Variants in LAS1L observed in about 807,000 individuals in gnomAD.
The protein encoded by LAS1L is ribosomal biogenesis protein LAS1L.
Under a neutral mutation model 57.3 loss-of-function variants are expected in LAS1L, and 5 were observed. That is an observed-to-expected ratio of 0.09 (90% CI 0.05 to 0.18). The LOEUF (loss-of-function observed/expected upper bound fraction) is 0.18. LAS1L is among the 10% of genes least tolerant of loss of function. The pLI is 1.00. For synonymous variants in LAS1L, 245 were observed against 231.7 expected (o/e 1.06, Z -0.52); for missense variants, 360 against 568.3 (o/e 0.63, Z 3.73).
intron 7 of LAS1L, among the ~76,000 whole-genome samples, chrX:65,528,012 CCAG>C (rs1202847301): frequency 9.0e-6 from 1 of 111,523 alleles, no homozygotes; most frequent in Non-Finnish European, 1.9e-5. Context: ...AAGCAGCTGG[CCAG>C]CAGATGGATG....
chrX:65,532,733 G>T (rs1419335700), intron 2 of LAS1L, 103 bp from the exon 3 acceptor site: 4 of 558,153 alleles, frequency 7.2e-6, no homozygotes, highest in Non-Finnish European at 1.2e-5. Flanking sequence ...TCCACCGACT[G>T]TCCTGTCCTA....
chrX:65,524,306 G>C lies in LAS1L; in HGVS notation c.1094-44C>G, dbSNP rs56185266. 4.1e-3 allele frequency: 4,029 copies of C among 977,680 alleles called. 8 individuals carry two copies. Among genetic ancestry groups the C allele is most frequent in the Non-Finnish European group, 5.3e-3 (3,685 of 694,353 alleles). The allele number at this position is 977,680 out of a possible 1,213,427, so 80.6% of individuals were successfully genotyped here. ...CCATTTGGGGGGGCAATAGGAGAGA[G>C]AGAGCAGGAGAGCACGAAAGAGAGA... On this transcript the variant is annotated intron_variant, in intron 9 of 13. Coordinates refer to ENST00000374811, the MANE Select transcript of LAS1L (RefSeq NM_031206.7).
intron 1 of LAS1L, among the ~76,000 whole-genome samples, 180 bp from the exon 2 acceptor site, chrX:65,533,915 G>A (rs891127098): frequency 3.6e-5 from 4 of 111,923 alleles, no homozygotes; most frequent in African/African-American, 1.3e-4. Flanking sequence ...ACAGTATACA[G>A]GGCATGAGGA....
At chrX:65,528,408 C>T in intron 6 of LAS1L, 39 bp from the exon 7 acceptor site, 1 of 825,558 alleles carries the variant, frequency 1.2e-6, no homozygotes, top group Non-Finnish European at 1.8e-6. Flanking sequence ...GCTGGTTCAG[C>T]CAAGCAACCC....
chrX:65,530,982 AAAAC>A (rs890137882), intron 4 of LAS1L, among the ~76,000 whole-genome samples: 1 of 111,212 alleles, frequency 9.0e-6, no homozygotes, highest in Admixed American at 9.6e-5. Flanking sequence ...GACTCGTCTC[AAAAC>A]AAACAAACAA....
At chrX:65,513,079 T>C (rs2068503853) in intron 13 of LAS1L, among the ~76,000 whole-genome samples, 178 bp from the exon 14 acceptor site, 1 of 111,955 alleles carries the variant, frequency 8.9e-6, no homozygotes, top group Non-Finnish European at 1.9e-5. Flanking sequence ...GACTTGGCCC[T>C]CTCCTCAGTT....
chrX:65,526,009 T>TTAA (rs764915578), intron 7 of LAS1L, among the ~76,000 whole-genome samples: 1 of 111,216 alleles, frequency 9.0e-6, no homozygotes, highest in African/African-American at 3.3e-5. Flanking sequence ...TCCCACAGTA[T>TTAA]TAAGTTCTTG....
intron 12 of LAS1L, among the ~76,000 whole-genome samples, chrX:65,517,332 C>T (rs2068679701): frequency 9.2e-6 from 1 of 108,314 alleles, no homozygotes; most frequent in African/African-American, 3.4e-5. Context: ...ACTGCAAGCT[C>T]CACCTCCCAG....
intron 11 of LAS1L, chrX:65,521,048 G>A (rs2068828882): frequency 1.3e-6 from 1 of 754,348 alleles, no homozygotes; most frequent in Non-Finnish European, 1.6e-6. Context: ...CTTCTAGTCT[G>A]GAGCACACAT....
chrX:65,520,918 T>C (rs780943528), intron 11 of LAS1L: 1 of 754,427 alleles, frequency 1.3e-6, no homozygotes, highest in Non-Finnish European at 1.6e-6. Context: ...ATGTTCCTTC[T>C]GGACTTTGAA....
intron 12 of LAS1L, 23 bp downstream of exon 12, chrX:65,517,964 T>C (rs761378511): frequency 2.6e-6 from 3 of 1,165,190 alleles, no homozygotes; most frequent in South Asian, 4.1e-5. Flanking sequence ...AAGAAGTCCA[T>C]GTGGGGACAA....
intron 3 of LAS1L, among the ~76,000 whole-genome samples, chrX:65,532,121 G>A (rs753844127): frequency 3.8e-4 from 42 of 111,744 alleles, no homozygotes; most frequent in Admixed American, 4.7e-4. Context: ...ATGACTGAGA[G>A]CATGCCTGCC....
intron 3 of LAS1L, among the ~76,000 whole-genome samples, 171 bp downstream of exon 3, chrX:65,532,390 G>C (rs1445801113): frequency 8.9e-6 from 1 of 112,878 alleles, no homozygotes; most frequent in Non-Finnish European, 1.9e-5. Flanking sequence ...ATGAGAGCAA[G>C]GGAGCAACTG....
intron 11 of LAS1L, chrX:65,518,955 C>G: frequency 1.3e-6 from 1 of 753,836 alleles, no homozygotes; most frequent in Non-Finnish European, 1.6e-6. Flanking sequence ...GCGTGGAACA[C>G]AAACTGTGAT....
At chrX:65,527,559 A>G (rs781071483) in intron 7 of LAS1L, among the ~76,000 whole-genome samples, 20 of 108,927 alleles carry the variant, frequency 1.8e-4, no homozygotes, top group Non-Finnish European at 3.2e-4. Flanking sequence ...AAGGCCAGGC[A>G]CAGTGGCTCA....
intron 4 of LAS1L, 137 bp from the exon 5 acceptor site, chrX:65,530,015 A>C: frequency 5.5e-6 from 3 of 541,527 alleles, no homozygotes; most frequent in Non-Finnish European, 5.8e-6. Context: ...ATCCAGAAGC[A>C]GCCTCTTTCA....
rs2068498740 is a variant in LAS1L, at chrX:65,512,954, A to T, written c.2079-53T>A. 3.7e-6 allele frequency: 4 copies of T among 1,089,047 alleles called. No homozygotes were observed. In the Admixed American group the frequency reaches 1.1e-4, roughly 31 times the overall value. The allele number at this position is 1,089,047 out of a possible 1,213,427, so 89.7% of individuals were successfully genotyped here. On this transcript the variant is annotated intron_variant, in intron 13 of 13. Transcript: ENST00000374811. ...GGAAGGAGGCAGCTTTAGGCTCTGGAGGGGCCAAGAGTGCTTGACATGTGT... is the reference window on the plus strand; with the variant it reads ...GGAAGGAGGCAGCTTTAGGCTCTGGTGGGGCCAAGAGTGCTTGACATGTGT...
chrX:65,529,730 GTCA>G lies in LAS1L; in HGVS notation c.660_662del (p.Asp221del). 8.3e-7 allele frequency: 1 copy of G among 1,211,681 alleles called. No homozygotes were observed. Among genetic ancestry groups the G allele is most frequent in the Non-Finnish European group, 1.1e-6 (1 of 895,437 alleles). Reference sequence around the variant, plus strand: ...GAGGCTCTGGTTTCTGTTCTGTGATGTCATCAACAACAATGTTCTTATCTTCCT... The same window carrying G: ...GAGGCTCTGGTTTCTGTTCTGTGATGTCAACAACAATGTTCTTATCTTCCT... On this transcript the variant is annotated inframe_deletion, in exon 5 of 14. Coordinates refer to ENST00000374811, the MANE Select transcript of LAS1L (RefSeq NM_031206.7).
At chrX:65,513,052 G>A (rs2068502592) in intron 13 of LAS1L, 151 bp from the exon 14 acceptor site, 1 of 565,776 alleles carries the variant, frequency 1.8e-6, no homozygotes. Flanking sequence ...AAACGACTTC[G>A]TGTGGGCCCC....
Sources: gnomAD v4.1 joint callset for allele counts (sites outside exome capture counted in the v4.1 genomes callset) on GRCh38, gnomAD v4.1.1 for gene constraint, MANE v1.5 for transcripts, NCBI Gene and HGNC (gene_info 2026-07-23, HGNC 2026-07-21) for gene names.